FER: variants seen among roughly 807,000 people sequenced by gnomAD.
FER encodes FER tyrosine kinase.
Under a neutral mutation model 111.0 loss-of-function variants are expected in FER, and 63 were observed. The observed-to-expected ratio is 0.57, with a 90% CI of 0.46 to 0.70. The LOEUF (loss-of-function observed/expected upper bound fraction) is 0.70, where lower values mean the gene tolerates loss of function less well. Ranked by LOEUF, FER falls within the 30% of genes least tolerant of loss-of-function variation. The pLI is 0.00. For missense variants in FER, 914 were observed against 954.0 expected (o/e 0.96, Z 0.55); for synonymous variants, 327 against 313.9 (o/e 1.04, Z -0.44).
intron 16 of FER, among the ~76,000 whole-genome samples, chr5:109,064,398 A>T (rs1774829960): frequency 6.6e-6 from 1 of 152,170 alleles, no homozygotes. Flanking sequence ...ACATTAACCC[A>T]GAAGAAGAAT....
chr5:109,010,243 C>T (rs1443473841), intron 13 of FER, among the ~76,000 whole-genome samples: 6 of 152,128 alleles, frequency 3.9e-5, no homozygotes, highest in African/African-American at 9.7e-5. Flanking sequence ...CTGCAAGCTC[C>T]GCCTCCTGGG....
chr5:108,856,343 A>C (rs1334616405), intron 5 of FER, among the ~76,000 whole-genome samples: 1 of 152,022 alleles, frequency 6.6e-6, no homozygotes, highest in Admixed American at 6.5e-5. Context: ...TTTTTTTCCC[A>C]CTCATTATTC....
At chr5:109,079,942 G>A (rs553880410) in intron 16 of FER, among the ~76,000 whole-genome samples, 1 of 152,138 alleles carries the variant, frequency 6.6e-6, no homozygotes, top group East Asian at 1.9e-4. Flanking sequence ...AGTAGTTTTT[G>A]TTTGCCAGCC....
intron 13 of FER, among the ~76,000 whole-genome samples, chr5:108,967,992 G>A (rs1171790114): frequency 1.3e-5 from 2 of 152,142 alleles, no homozygotes; most frequent in African/African-American, 4.8e-5. Flanking sequence ...GCCTCTTGCT[G>A]CTATCACATA....
At chr5:108,888,936 A>C (rs1232391353) in intron 9 of FER, among the ~76,000 whole-genome samples, 1 of 151,838 alleles carries the variant, frequency 6.6e-6, no homozygotes, top group Non-Finnish European at 1.5e-5. Context: ...AAAACCAGGA[A>C]ATTTACGTTT....
intron 13 of FER, among the ~76,000 whole-genome samples, chr5:109,002,844 T>G (rs1764981772): frequency 2.0e-5 from 3 of 152,128 alleles, no homozygotes; most frequent in Admixed American, 1.3e-4. Flanking sequence ...CATTTTTGTA[T>G]CCAAAAAATA....
chr5:109,184,956 C>G (rs1213417296), intron 18 of FER, among the ~76,000 whole-genome samples: 2 of 152,126 alleles, frequency 1.3e-5, no homozygotes, highest in East Asian at 3.8e-4. Context: ...CAGGAAACCA[C>G]ATGAGGGATA....
intron 12 of FER, 149 bp downstream of exon 12, chr5:108,955,081 C>A (rs1758263560): frequency 5.9e-6 from 3 of 511,072 alleles, no homozygotes; most frequent in Non-Finnish European, 1.0e-5. Flanking sequence ...TACAGTGCTT[C>A]AAAATGTACT....
chr5:108,928,739 GTACATA>G (rs200108502), intron 10 of FER, among the ~76,000 whole-genome samples: 3 of 151,258 alleles, frequency 2.0e-5, no homozygotes, highest in Admixed American at 2.0e-4. Flanking sequence ...TTTAATATAT[GTACATA>G]TACATATATA....
At chr5:108,974,467 T>C (rs1394825888) in intron 13 of FER, among the ~76,000 whole-genome samples, 1 of 152,154 alleles carries the variant, frequency 6.6e-6, no homozygotes, top group Non-Finnish European at 1.5e-5. Context: ...TTCTATCTTA[T>C]ACACCTGGAG....
chr5:108,768,828 A>ATT (rs113751321), intron 2 of FER, among the ~76,000 whole-genome samples: 42 of 146,514 alleles, frequency 2.9e-4, no homozygotes, highest in Admixed American at 6.8e-4. Context: ...TTATAATACA[A>ATT]TTTTTTTTTT....
At chr5:108,931,981 TG>T (rs1754747925) in intron 10 of FER, among the ~76,000 whole-genome samples, 2 of 152,082 alleles carry the variant, frequency 1.3e-5, no homozygotes, top group African/African-American at 4.8e-5. Context: ...TGTGTGTGTG[TG>T]TTTCATTTTT....
intron 12 of FER, among the ~76,000 whole-genome samples, chr5:108,957,761 T>G (rs1318375147): frequency 6.6e-6 from 1 of 151,638 alleles, no homozygotes; most frequent in Non-Finnish European, 1.5e-5. Context: ...TGCCAGTACA[T>G]GTACCATATA....
At chr5:109,004,849 G>C (rs1260621003) in intron 13 of FER, among the ~76,000 whole-genome samples, 4 of 152,034 alleles carry the variant, frequency 2.6e-5, no homozygotes, top group Non-Finnish European at 5.9e-5. Flanking sequence ...TTTTGTGGTG[G>C]TTGACAAATT....
intron 11 of FER, among the ~76,000 whole-genome samples, chr5:108,949,424 T>C (rs1045366819): frequency 4.6e-5 from 7 of 152,026 alleles, no homozygotes; most frequent in African/African-American, 1.7e-4. Flanking sequence ...CAAGGGAAAA[T>C]AAAGATTTTT....
chr5:109,025,261 G>A (rs1020387406), intron 13 of FER, among the ~76,000 whole-genome samples: 96 of 152,144 alleles, frequency 6.3e-4, no homozygotes, highest in African/African-American at 2.1e-3. Flanking sequence ...AACATGGAAT[G>A]TTCTTCCATT....
At chr5:109,143,291 T>C (rs1248638054) in intron 17 of FER, among the ~76,000 whole-genome samples, 3 of 152,084 alleles carry the variant, frequency 2.0e-5, no homozygotes, top group Admixed American at 6.6e-5. Context: ...TGCCATAAAG[T>C]CCTTGACTCT....
intron 2 of FER, among the ~76,000 whole-genome samples, chr5:108,776,393 A>G (rs1372868165): frequency 1.3e-5 from 2 of 152,178 alleles, no homozygotes; most frequent in East Asian, 3.8e-4. Context: ...TAGGCAATTT[A>G]TTACTAATTA....
intron 1 of FER, among the ~76,000 whole-genome samples, chr5:108,757,445 G>C (rs1355916597): frequency 1.3e-5 from 2 of 152,150 alleles, no homozygotes; most frequent in Non-Finnish European, 2.9e-5. Flanking sequence ...CTGAGAAGGT[G>C]GTGGATCTTA....
Sources: allele counts gnomAD v4.1 joint callset (sites outside exome capture counted in the v4.1 genomes callset), GRCh38; gene constraint gnomAD v4.1.1; transcripts MANE v1.5; gene names NCBI Gene and HGNC (gene_info 2026-07-23, HGNC 2026-07-21).